Variants in PPP1R9A observed in about 807,000 individuals in gnomAD.
PPP1R9A encodes the protein protein phosphatase 1 regulatory subunit 9A.
In PPP1R9A, 59 loss-of-function variants were observed where a neutral mutation model predicts 141.9. The observed-to-expected ratio is 0.42, with a 90% CI of 0.34 to 0.52. The LOEUF is 0.52. PPP1R9A is among the 20% of genes least tolerant of loss of function. The pLI is 0.10. For missense variants in PPP1R9A, 1,444 were observed against 1,611.9 expected, an observed-to-expected ratio of 0.90 and a Z score of 1.78; for synonymous variants, 500 against 569.7, an observed-to-expected ratio of 0.88 and a Z score of 1.74.
chr7:94,971,139 C>T (rs909627250), intron 2 of PPP1R9A, among the ~76,000 whole-genome samples: 3 of 152,110 alleles, frequency 2.0e-5, no homozygotes, highest in African/African-American at 7.2e-5. Flanking sequence ...GTAAGTCAAC[C>T]GTTAGAAGCC....
chr7:95,178,192 C>G (rs1833178958), intron 5 of PPP1R9A, among the ~76,000 whole-genome samples: 1 of 152,060 alleles, frequency 6.6e-6, no homozygotes, highest in African/African-American at 2.4e-5. Flanking sequence ...CTCTTTCTGA[C>G]CACAGTGTAA....
intron 12 of PPP1R9A, among the ~76,000 whole-genome samples, chr7:95,257,827 C>T (rs1799822945): frequency 6.6e-6 from 1 of 152,106 alleles, no homozygotes; most frequent in Non-Finnish European, 1.5e-5. Context: ...TCATCCATGT[C>T]CCTGCAAAGG....
In PPP1R9A at chr7:95,120,732, A is replaced by G; in HGVS notation, c.1549A>G (p.Ser517Gly). 6.2e-7 allele frequency: 1 copy of G among 1,613,724 alleles called. No homozygotes were observed. Among genetic ancestry groups the G allele is most frequent in the Non-Finnish European group, 8.5e-7 (1 of 1,179,822 alleles). Residue 517 changes from serine to glycine, a missense_variant, in exon 4 of 20, where the codon AGT (serine) becomes GGT (glycine). Transcript: ENST00000433360. The part of the protein sequence containing the change: ...LEKDEDGLGI[S>G]IIGMGVGADA... ...AATAGATGAGGATGGTCTTGGTATA[A>G]GTATTATTGGAATGGGTGTTGGAGC... is the stretch of plus-strand genomic sequence containing the variant.
At chr7:94,965,500 G>C (rs1348282977) in intron 2 of PPP1R9A, among the ~76,000 whole-genome samples, 1 of 151,966 alleles carries the variant, frequency 6.6e-6, no homozygotes, top group Non-Finnish European at 1.5e-5. Context: ...TTTTGTATAT[G>C]GTTTAAGTAA....
chr7:95,033,144 A>G (rs1807917485), intron 2 of PPP1R9A, among the ~76,000 whole-genome samples: 1 of 147,752 alleles, frequency 6.8e-6, no homozygotes, highest in Non-Finnish European at 1.5e-5. Flanking sequence ...AGCTGGAACT[A>G]CAGGCACCCG....
intron 2 of PPP1R9A, among the ~76,000 whole-genome samples, chr7:95,006,181 A>T (rs1803555193): frequency 6.6e-6 from 1 of 151,068 alleles, no homozygotes; most frequent in African/African-American, 2.4e-5. Context: ...AAATAAATTG[A>T]GATCTTAAGA....
chr7:95,073,238 G>C (rs995121438), intron 2 of PPP1R9A, among the ~76,000 whole-genome samples: 1 of 151,538 alleles, frequency 6.6e-6, no homozygotes, highest in Non-Finnish European at 1.5e-5. Flanking sequence ...CACCTGCCTC[G>C]GTCTCTCAAA....
intron 2 of PPP1R9A, among the ~76,000 whole-genome samples, chr7:95,079,566 G>A (rs887438807): frequency 2.0e-5 from 3 of 151,730 alleles, no homozygotes; most frequent in Admixed American, 6.6e-5. Context: ...AGAAAAAGAG[G>A]GAATCCTCCC....
intron 2 of PPP1R9A, among the ~76,000 whole-genome samples, chr7:94,997,722 G>A (rs1584192200): frequency 1.3e-5 from 2 of 152,212 alleles, no homozygotes; most frequent in South Asian, 4.2e-4. Context: ...GGCGTAAGGG[G>A]CCTCTGTGAA....
chr7:94,913,873 C>A (rs1425853377), intron 2 of PPP1R9A, among the ~76,000 whole-genome samples: 1 of 152,050 alleles, frequency 6.6e-6, no homozygotes. Context: ...AGAGTCAATT[C>A]TTAAACACAT....
chr7:95,070,385 TGAGTA>T (rs1304257411), intron 2 of PPP1R9A, among the ~76,000 whole-genome samples: 1 of 151,956 alleles, frequency 6.6e-6, no homozygotes, highest in African/African-American at 2.4e-5. Context: ...AATAATTGCT[TGAGTA>T]AACATAGATC....
intron 2 of PPP1R9A, among the ~76,000 whole-genome samples, chr7:95,082,776 T>C (rs1478271305): frequency 1.4e-5 from 2 of 146,842 alleles, no homozygotes; most frequent in Non-Finnish European, 1.5e-5. Flanking sequence ...CTTTTTTTTT[T>C]TTTTTTTTTT....
chr7:95,109,346 A>G (rs180928278), intron 2 of PPP1R9A, among the ~76,000 whole-genome samples: 38 of 152,314 alleles, frequency 2.5e-4, no homozygotes, highest in Middle Eastern at 6.8e-3. Context: ...GTAGGTGCTT[A>G]TTTTGATTTC....
At chr7:95,266,701 A>G (rs1433483539) in intron 12 of PPP1R9A, among the ~76,000 whole-genome samples, 1 of 152,156 alleles carries the variant, frequency 6.6e-6, no homozygotes, top group Non-Finnish European at 1.5e-5. Flanking sequence ...GATTTGTATT[A>G]TAGAGCATAC....
intron 2 of PPP1R9A, among the ~76,000 whole-genome samples, chr7:95,013,239 A>G (rs1311953747): frequency 6.6e-6 from 1 of 152,118 alleles, no homozygotes; most frequent in African/African-American, 2.4e-5. Context: ...CCGATGGGGC[A>G]GTCTCATTGT....
chr7:95,050,907 C>G (rs1810704841), intron 2 of PPP1R9A, among the ~76,000 whole-genome samples: 1 of 152,188 alleles, frequency 6.6e-6, no homozygotes, highest in Non-Finnish European at 1.5e-5. Flanking sequence ...CTGGATGTCT[C>G]TAAATGGGGG....
intron 7 of PPP1R9A, among the ~76,000 whole-genome samples, chr7:95,210,036 C>T (rs556981616): frequency 6.6e-6 from 1 of 152,204 alleles, no homozygotes; most frequent in Admixed American, 6.5e-5. Flanking sequence ...TTATAGAGGT[C>T]CACTTTGGTC....
intron 4 of PPP1R9A, among the ~76,000 whole-genome samples, chr7:95,146,799 A>G (rs1024360058): frequency 6.6e-6 from 1 of 152,118 alleles, no homozygotes; most frequent in African/African-American, 2.4e-5. Flanking sequence ...CAAAGATCAG[A>G]TGGTTGTAGA....
chr7:95,151,701 A>G (rs1828705706), intron 4 of PPP1R9A, among the ~76,000 whole-genome samples: 1 of 148,284 alleles, frequency 6.7e-6, no homozygotes, highest in African/African-American at 2.5e-5. Flanking sequence ...TAAGATGTTG[A>G]TGGGTTGATG....
Sources: allele counts gnomAD v4.1 joint callset (sites outside exome capture counted in the v4.1 genomes callset), GRCh38; gene constraint gnomAD v4.1.1; transcripts MANE v1.5; gene names NCBI Gene and HGNC (gene_info 2026-07-23, HGNC 2026-07-21).